The following SEMA5A variants were observed in gnomAD, a reference collection of about 807,000 sequenced individuals.
SEMA5A encodes the protein semaphorin-5A.
SEMA5A carries 55 observed loss-of-function variants against 135.5 expected under a neutral mutation model. That is an observed-to-expected ratio of 0.41 (90% CI 0.33 to 0.51). The LOEUF (loss-of-function observed/expected upper bound fraction) is 0.51. SEMA5A is among the 20% of genes least tolerant of loss of function. SEMA5A has a pLI of 0.37. For synonymous variants in SEMA5A, 580 were observed against 546.5 expected (o/e 1.06, Z -0.85); for missense variants, 1,290 against 1,419.9 (o/e 0.91, Z 1.47).
chr5:9,353,157 GA>G (rs1754240660), intron 3 of SEMA5A, among the ~76,000 whole-genome samples: 4 of 78,310 alleles, frequency 5.1e-5, no homozygotes, highest in East Asian at 3.4e-4. Context: ...GAAAGGAAAG[GA>G]AAGGAGGGAA....
At chr5:9,442,380 A>T (rs894148248) in intron 1 of SEMA5A, among the ~76,000 whole-genome samples, 1 of 152,000 alleles carries the variant, frequency 6.6e-6, no homozygotes, top group African/African-American at 2.4e-5. Flanking sequence ...AGCACTGTCC[A>T]CGTGTCTCCA....
At chr5:9,516,175 C>CACACAT (rs750689032) in intron 1 of SEMA5A, among the ~76,000 whole-genome samples, 4 of 152,140 alleles carry the variant, frequency 2.6e-5, no homozygotes, top group Non-Finnish European at 5.9e-5. Flanking sequence ...GACATGCACA[C>CACACAT]ACACATACAC....
At chr5:9,107,042 A>G (rs1017286424) in intron 16 of SEMA5A, among the ~76,000 whole-genome samples, 1 of 152,246 alleles carries the variant, frequency 6.6e-6, no homozygotes, top group African/African-American at 2.4e-5. Flanking sequence ...TGCATGTCAC[A>G]AAAGCAGGCT....
intron 1 of SEMA5A, among the ~76,000 whole-genome samples, chr5:9,460,910 T>C (rs1271163538): frequency 6.6e-6 from 1 of 152,216 alleles, no homozygotes; most frequent in Non-Finnish European, 1.5e-5. Context: ...GTTAAGCAAG[T>C]ATCTATTTTG....
chr5:9,164,101 ATATT>A (rs1468561268), intron 11 of SEMA5A, among the ~76,000 whole-genome samples: 3 of 15,918 alleles, frequency 1.9e-4, no homozygotes, highest in South Asian at 3.6e-3. Flanking sequence ...TATCATATAA[ATATT>A]TATATAATTA....
intron 2 of SEMA5A, among the ~76,000 whole-genome samples, chr5:9,429,869 G>C (rs945730838): frequency 6.6e-6 from 1 of 152,210 alleles, no homozygotes; most frequent in African/African-American, 2.4e-5. Flanking sequence ...CGCACCAAGG[G>C]AGGAAGCTGG....
At chr5:9,116,709 A>G (rs1740533284) in intron 15 of SEMA5A, among the ~76,000 whole-genome samples, 1 of 152,198 alleles carries the variant, frequency 6.6e-6, no homozygotes, top group Admixed American at 6.5e-5. Context: ...AATATGATAT[A>G]CATGTATCAA....
chr5:9,048,931 A>G (rs2150037051), intron 21 of SEMA5A, among the ~76,000 whole-genome samples: 1 of 152,292 alleles, frequency 6.6e-6, no homozygotes, highest in Non-Finnish European at 1.5e-5. Flanking sequence ...TAGCTCAGAC[A>G]CCTAACATTG....
At chr5:9,073,629 C>T (rs376923997) in intron 16 of SEMA5A, among the ~76,000 whole-genome samples, 12 of 152,012 alleles carry the variant, frequency 7.9e-5, no homozygotes, top group South Asian at 4.1e-4. Context: ...GAAAAAGAAA[C>T]GAAAGTCATC....
chr5:9,051,960 A>G lies in SEMA5A; in HGVS notation c.2758T>C (p.Cys920Arg), dbSNP rs754602220. Residue 920 changes from cysteine to arginine, a missense_variant, in exon 20 of 23, where the codon TGC (cysteine) becomes CGC (arginine). Around this residue, in one of 3 missense-constraint regions of SEMA5A, gnomAD observed 1,029 missense variants for 1,086.6 expected, o/e 0.95. Transcript: ENST00000382496. ...CTGCCCATGGGGAACAGGAGGATGCACTGGCGGGCGCGGACTTGGACGCCA... is the reference window on the plus strand; with the variant it reads ...CTGCCCATGGGGAACAGGAGGATGCGCTGGCGGGCGCGGACTTGGACGCCA... ...ASGVQVRARQ[C>R]ILLFPMGSQC... The G allele has an allele frequency of 6.2e-7, 1 of 1,614,104 alleles. No individual in the cohort carries two copies. Among genetic ancestry groups the G allele is most frequent in the Non-Finnish European group, 8.5e-7 (1 of 1,179,996 alleles).
At chr5:9,513,428 C>T (rs1282460758) in intron 1 of SEMA5A, among the ~76,000 whole-genome samples, 1 of 152,018 alleles carries the variant, frequency 6.6e-6, no homozygotes, top group Non-Finnish European at 1.5e-5. Context: ...TTCATTAAAT[C>T]AAAAATGTGC....
intron 1 of SEMA5A, among the ~76,000 whole-genome samples, chr5:9,512,597 T>C (rs965475406): frequency 3.9e-5 from 6 of 152,156 alleles, no homozygotes; most frequent in Non-Finnish European, 8.8e-5. Flanking sequence ...ATGGAGTGGT[T>C]TTAAAAGTCA....
At chr5:9,060,339 C>T (rs1737116802) in intron 18 of SEMA5A, among the ~76,000 whole-genome samples, 1 of 152,088 alleles carries the variant, frequency 6.6e-6, no homozygotes, top group Admixed American at 6.6e-5. Flanking sequence ...GAGTGGTGAC[C>T]CTTTGTACTT....
At chr5:9,309,498 T>C (rs1280518703) in intron 5 of SEMA5A, among the ~76,000 whole-genome samples, 1 of 152,170 alleles carries the variant, frequency 6.6e-6, no homozygotes, top group Non-Finnish European at 1.5e-5. Context: ...ATGCACTTCC[T>C]GGCATGGCAT....
At chr5:9,227,711 C>T (rs542930669) in intron 6 of SEMA5A, among the ~76,000 whole-genome samples, 16 of 152,168 alleles carry the variant, frequency 1.1e-4, no homozygotes, top group South Asian at 2.1e-4. Flanking sequence ...CCACCACGCC[C>T]GGCCAATTTT....
At chr5:9,357,998 G>A (rs1456611745) in intron 3 of SEMA5A, among the ~76,000 whole-genome samples, 1 of 152,124 alleles carries the variant, frequency 6.6e-6, no homozygotes, top group African/African-American at 2.4e-5. Flanking sequence ...GTTGAATTTT[G>A]TCACACTAGA....
chr5:9,158,948 T>TTTCAAA (rs1372757336), intron 11 of SEMA5A, among the ~76,000 whole-genome samples: 1 of 152,044 alleles, frequency 6.6e-6, no homozygotes, highest in Admixed American at 6.6e-5. Flanking sequence ...AGGCTGCCAA[T>TTTCAAA]TTGAATTTCA....
At chr5:9,119,498 C>A (rs752157194) in intron 14 of SEMA5A, among the ~76,000 whole-genome samples, 1 of 152,164 alleles carries the variant, frequency 6.6e-6, no homozygotes, top group Non-Finnish European at 1.5e-5. Flanking sequence ...AATCCCTACA[C>A]CTCTACAGTT....
chr5:9,425,941 T>C (rs1757632010), intron 2 of SEMA5A, among the ~76,000 whole-genome samples: 1 of 152,150 alleles, frequency 6.6e-6, no homozygotes, highest in South Asian at 2.1e-4. Flanking sequence ...TTTCTTAACC[T>C]CACCACACTG....
Sources: gnomAD v4.1 joint callset for allele counts (sites outside exome capture counted in the v4.1 genomes callset) on GRCh38, gnomAD v4.1.1 for gene constraint, gnomAD v4.1.1 regional missense constraint, MANE v1.5 for transcripts, NCBI Gene and HGNC (gene_info 2026-07-23, HGNC 2026-07-21) for gene names.